Variants in NTRK2 observed in about 807,000 individuals in gnomAD.
NTRK2 encodes the protein BDNF/NT-3 growth factors receptor.
A neutral mutation model predicts 94.5 loss-of-function variants in NTRK2; 13 were observed. The observed-to-expected ratio is 0.14, with a 90% CI of 0.09 to 0.22. The LOEUF is 0.22. Among genes scored for constraint, NTRK2 ranks in the 10% least tolerant of loss-of-function variants. The pLI, the probability that NTRK2 is intolerant of heterozygous loss-of-function variation, is 1.00. For synonymous variants in NTRK2, 372 were observed against 407.4 expected (o/e 0.91, Z 1.05); for missense variants, 639 against 1,071.2 (o/e 0.60, Z 5.63).
intron 17 of NTRK2, among the ~76,000 whole-genome samples, chr9:84,962,325 A>G (rs1252684159): frequency 6.6e-6 from 1 of 152,192 alleles, no homozygotes; most frequent in Non-Finnish European, 1.5e-5. Context: ...TGATGCAGAA[A>G]TCCTCAGAGC....
chr9:84,872,054 T>G, intron 14 of NTRK2: 1 of 1,391,670 alleles, frequency 7.2e-7, no homozygotes, highest in Non-Finnish European at 9.4e-7. Flanking sequence ...TATAGACCCA[T>G]CTCCTCGATC....
chr9:84,993,475 T>C (rs1829347312), intron 17 of NTRK2, among the ~76,000 whole-genome samples: 1 of 152,212 alleles, frequency 6.6e-6, no homozygotes, highest in African/African-American at 2.4e-5. Flanking sequence ...CTCTGTACTC[T>C]TGCTACCAGC....
At chr9:84,708,467 T>C (rs2061242499) in intron 5 of NTRK2, among the ~76,000 whole-genome samples, 1 of 152,168 alleles carries the variant, frequency 6.6e-6, no homozygotes, top group African/African-American at 2.4e-5. Context: ...CATTTTCTTC[T>C]GTTGTAAAAT....
chr9:84,712,399 T>C (rs943419287), intron 6 of NTRK2, among the ~76,000 whole-genome samples: 1 of 152,324 alleles, frequency 6.6e-6, no homozygotes, highest in East Asian at 1.9e-4. Flanking sequence ...TTTTTATTTC[T>C]GTTTTCTACA....
rs78895641 is a variant in NTRK2, at chr9:84,882,184, A to T, written c.1633+14753A>T. On this transcript the variant is annotated intron_variant, in intron 14 of 18. Transcript: ENST00000277120. ...CTAGCCATCAAGCCAGGCTTCTTTC[A>T]TGCTCCCACCAACACACACACACAC... Among the ~76,000 whole-genome samples the T allele has an allele frequency of 1.0e-4, 15 of 146,972 alleles. No homozygotes were observed. In the East Asian group the frequency reaches 2.6e-3, roughly 26 times the overall value.
chr9:84,768,226 C>T (rs2066212324), intron 12 of NTRK2, among the ~76,000 whole-genome samples: 1 of 152,198 alleles, frequency 6.6e-6, no homozygotes, highest in Non-Finnish European at 1.5e-5. Flanking sequence ...TCAGAATTTT[C>T]AGAATTCAAA....
chr9:84,751,901 A>G (rs983263100), intron 11 of NTRK2, 85 bp from the exon 12 acceptor site: 3 of 1,039,244 alleles, frequency 2.9e-6, no homozygotes, highest in Non-Finnish European at 4.6e-6. Context: ...TGCCTGTATC[A>G]TTATCATCGT....
At chr9:84,948,836 A>C (rs896339359) in intron 16 of NTRK2, among the ~76,000 whole-genome samples, 2 of 152,238 alleles carry the variant, frequency 1.3e-5, no homozygotes, top group African/African-American at 4.8e-5. Flanking sequence ...AATTCTATGT[A>C]ATGTGATGCA....
rs1038225523 is a variant in NTRK2, at chr9:85,022,724, C to G, written c.*1287C>G. ...AGAGCAGATCCATAAAAAGGTATGA[C>G]TTATACAATTAGGGGAAGCTAATGG... On this transcript the variant is annotated 3_prime_UTR_variant, in exon 19 of 19. Coordinates refer to ENST00000277120, the MANE Select transcript of NTRK2 (RefSeq NM_006180.6). 4.3e-6 allele frequency: 1 copy of G among 233,106 alleles called. No individual in the cohort carries two copies. The highest frequency in any genetic ancestry group is 8.5e-6 in the Non-Finnish European group (1 of 118,046). The allele number at this position is 233,106 out of a possible 1,614,324, so 14.4% of individuals were successfully genotyped here. A position where few individuals can be genotyped will look rare whatever the true frequency, so the allele number is the denominator to read the frequency against.
intron 6 of NTRK2, among the ~76,000 whole-genome samples, chr9:84,720,694 A>G (rs2062002750): frequency 6.6e-6 from 1 of 152,204 alleles, no homozygotes; most frequent in African/African-American, 2.4e-5. Flanking sequence ...GCGAAAAACA[A>G]AGCTGATATA....
chr9:84,822,804 G>C (rs2072935218), intron 12 of NTRK2, among the ~76,000 whole-genome samples: 2 of 152,304 alleles, frequency 1.3e-5, no homozygotes, highest in South Asian at 4.1e-4. Context: ...CTGTGCAAAT[G>C]AGGCGATAAA....
chr9:84,754,602 G>A (rs1053539642), intron 12 of NTRK2, among the ~76,000 whole-genome samples: 3 of 152,162 alleles, frequency 2.0e-5, no homozygotes, highest in African/African-American at 7.2e-5. Flanking sequence ...ACACTATTAT[G>A]CTTCCGAAAA....
rs1587987255 is a variant in NTRK2 at position 84,937,827 on chromosome 9, T to G, written c.1764+3535T>G. 2.0e-5 allele frequency among the ~76,000 whole-genome samples: 3 copies of G among 152,250 alleles called. No homozygotes were observed. The East Asian group carries it at 5.8e-4, about 29-fold the overall frequency. Reference sequence around the variant, plus strand: ...TGTGGATGCATTAGCTATTTTTGGCTCCATCCAACCTGTATTTCCAAAGCT... The same window carrying G: ...TGTGGATGCATTAGCTATTTTTGGCGCCATCCAACCTGTATTTCCAAAGCT... On this transcript the variant is annotated intron_variant, in intron 15 of 18. Transcript: ENST00000277120.
chr9:84,690,992 A>G (rs1483090937), intron 2 of NTRK2, among the ~76,000 whole-genome samples: 2 of 152,214 alleles, frequency 1.3e-5, no homozygotes, highest in Non-Finnish European at 2.9e-5. Context: ...ATTTTATACA[A>G]TAAAATTAAT....
intron 12 of NTRK2, among the ~76,000 whole-genome samples, chr9:84,787,018 G>T (rs570870130): frequency 6.6e-6 from 1 of 152,132 alleles, no homozygotes; most frequent in East Asian, 1.9e-4. Flanking sequence ...GACCAGTCAG[G>T]TGGGCGCGGT....
At chr9:85,007,550 G>A (rs1229250887) in intron 17 of NTRK2, among the ~76,000 whole-genome samples, 1 of 152,240 alleles carries the variant, frequency 6.6e-6, no homozygotes, top group Admixed American at 6.5e-5. Flanking sequence ...AGGGGACAGG[G>A]GGAGGAGGGA....
chr9:84,772,774 G>A (rs142433601), intron 12 of NTRK2, among the ~76,000 whole-genome samples: 1 of 152,282 alleles, frequency 6.6e-6, no homozygotes, highest in African/African-American at 2.4e-5. Context: ...CTGCACAGAC[G>A]AGATGGAGAA....
intron 17 of NTRK2, among the ~76,000 whole-genome samples, chr9:84,992,214 G>T (rs1444396389): frequency 2.6e-5 from 4 of 152,110 alleles, no homozygotes; most frequent in South Asian, 4.2e-4. Context: ...GTTGGCTGGG[G>T]GTAGCCAACT....
intron 12 of NTRK2, among the ~76,000 whole-genome samples, chr9:84,833,403 A>G (rs1039189440): frequency 6.6e-6 from 1 of 151,894 alleles, no homozygotes; most frequent in Non-Finnish European, 1.5e-5. Flanking sequence ...GGATGAGAGT[A>G]ACCTAATGCT....
Sources: allele counts gnomAD v4.1 joint callset (sites outside exome capture counted in the v4.1 genomes callset), GRCh38; gene constraint gnomAD v4.1.1; transcripts MANE v1.5; gene names NCBI Gene and HGNC (gene_info 2026-07-23, HGNC 2026-07-21).